ELAVL2: variants seen among roughly 807,000 people sequenced by gnomAD.
The protein encoded by ELAVL2 is ELAV-like protein 2.
In ELAVL2, 4 loss-of-function variants were observed where a neutral mutation model predicts 34.6. That is an observed-to-expected ratio of 0.12 (90% confidence interval 0.06 to 0.26). The LOEUF (loss-of-function observed/expected upper bound fraction) is 0.26. Ranked by LOEUF, ELAVL2 falls within the 10% of genes least tolerant of loss-of-function variation. The pLI is 1.00. For synonymous variants in ELAVL2, 193 were observed against 154.8 expected (o/e 1.25, Z -1.83); for missense variants, 432 against 442.8 (o/e 0.98, Z 0.22).
chr9:23,787,203 T>G (rs1226583515), intron 1 of ELAVL2, among the ~76,000 whole-genome samples: 1 of 152,110 alleles, frequency 6.6e-6, no homozygotes, highest in African/African-American at 2.4e-5. Context: ...TAAGCCGTTT[T>G]AAAGGGCATT....
intron 3 of ELAVL2, among the ~76,000 whole-genome samples, chr9:23,707,548 A>C (rs2133470081): frequency 6.6e-6 from 1 of 152,298 alleles, no homozygotes; most frequent in Non-Finnish European, 1.5e-5. Context: ...TCAAGCAACC[A>C]GCAGCAGGTG....
At chr9:23,793,487 C>A (rs1019913427) in intron 1 of ELAVL2, among the ~76,000 whole-genome samples, 15 of 152,058 alleles carry the variant, frequency 9.9e-5, no homozygotes, top group African/African-American at 3.6e-4. Context: ...TCTCTCAAAC[C>A]CTCAACTTTT....
At chr9:23,702,537 T>C (rs1193124217) in intron 4 of ELAVL2, among the ~76,000 whole-genome samples, 1 of 152,000 alleles carries the variant, frequency 6.6e-6, no homozygotes. Context: ...CAGGGAAATT[T>C]TTTTTGGCAA....
chr9:23,723,895 G>A (rs1236034611), intron 3 of ELAVL2, among the ~76,000 whole-genome samples: 2 of 151,976 alleles, frequency 1.3e-5, no homozygotes, highest in Admixed American at 1.3e-4. Flanking sequence ...CACACACACA[G>A]ACAGCAACAA....
chr9:23,723,421 T>A (rs1054678252), intron 3 of ELAVL2, among the ~76,000 whole-genome samples: 2 of 150,732 alleles, frequency 1.3e-5, no homozygotes, highest in Non-Finnish European at 3.0e-5. Flanking sequence ...GGGACTGTTG[T>A]GGGGACGGGG....
At position 23,731,106 on chromosome 9, in the gene ELAVL2, G is replaced by A. The variant is rs1428379618; in HGVS notation, c.249C>T (p.Gly83=). 6.2e-7 allele frequency: 1 copy of A among 1,612,758 alleles called. No homozygotes were observed. Among genetic ancestry groups the A allele is most frequent in the South Asian group, 1.1e-5 (1 of 90,886 alleles). The change falls in exon 3 of 7, where the codon GGC becomes GGT. Residue 83 remains glycine, a synonymous_variant. Coordinates refer to ENST00000397312, the MANE Select transcript of ELAVL2 (RefSeq NM_004432.5). Reference sequence around the variant, plus strand: ...CCTTGGGGTCAATGTAGTTCACAAAGCCATATCCCAAGCTCTGCCCTAATG... The same window carrying A: ...CCTTGGGGTCAATGTAGTTCACAAAACCATATCCCAAGCTCTGCCCTAATG... ...DKITGQSLGY[G]FVNYIDPKDA... is the part of the protein sequence containing the mutation.
upstream of ELAVL2, among the ~76,000 whole-genome samples, chr9:23,830,693 T>C (rs1000721878): frequency 6.6e-6 from 1 of 151,540 alleles, no homozygotes; most frequent in African/African-American, 2.4e-5. Flanking sequence ...CCTGCAGATA[T>C]TCAGACTAAG....
At chr9:23,732,023 G>T (rs117024999) in intron 2 of ELAVL2, among the ~76,000 whole-genome samples, 38 of 152,244 alleles carry the variant, frequency 2.5e-4, no homozygotes, top group African/African-American at 8.9e-4. Flanking sequence ...TTTCAATGAA[G>T]CAAGTTTCTC....
intron 2 of ELAVL2, among the ~76,000 whole-genome samples, chr9:23,748,846 A>G (rs1158871844): frequency 1.3e-5 from 2 of 152,164 alleles, no homozygotes; most frequent in African/African-American, 4.8e-5. Context: ...TCTCCTGAAA[A>G]CAATTATCAT....
intron 2 of ELAVL2, among the ~76,000 whole-genome samples, chr9:23,754,105 G>A (rs1280098629): frequency 6.6e-6 from 1 of 152,044 alleles, no homozygotes; most frequent in Non-Finnish European, 1.5e-5. Context: ...ACAGCTGTTG[G>A]AAAACTGTAT....
chr9:23,824,811 G>A (rs1199079248), intron 1 of ELAVL2, among the ~76,000 whole-genome samples: 1 of 152,150 alleles, frequency 6.6e-6, no homozygotes, highest in Non-Finnish European at 1.5e-5. Context: ...TCTTTCTCCT[G>A]GCGTCAATTT....
intron 1 of ELAVL2, among the ~76,000 whole-genome samples, chr9:23,780,847 G>A (rs1216200247): frequency 6.6e-6 from 1 of 152,180 alleles, no homozygotes; most frequent in Non-Finnish European, 1.5e-5. Flanking sequence ...TAGCATTCAG[G>A]AAATTTGGAG....
At chr9:23,696,870 T>C (rs906734920) in intron 5 of ELAVL2, among the ~76,000 whole-genome samples, 8 of 152,188 alleles carry the variant, frequency 5.3e-5, no homozygotes, top group African/African-American at 1.9e-4. Context: ...GATGATAACG[T>C]AGTACATATG....
intron 3 of ELAVL2, among the ~76,000 whole-genome samples, chr9:23,713,816 G>T (rs2041640632): frequency 3.3e-5 from 5 of 152,150 alleles, no homozygotes; most frequent in Admixed American, 2.0e-4. Flanking sequence ...GAAACTAGAG[G>T]TTAGGATGGA....
chr9:23,733,172 T>TAAAAAAAAAAAAAAAAAAA (rs397953305), intron 2 of ELAVL2, among the ~76,000 whole-genome samples: 1 of 104,596 alleles, frequency 9.6e-6, no homozygotes, highest in Admixed American at 9.9e-5. Flanking sequence ...CTAGAAAGCT[T>TAAAAAAAAAAAAAAAAAAA]AAAAAAAAAA....
In ELAVL2 at chr9:23,770,761, C is replaced by T. The variant is rs1216659290; in HGVS notation, c.-15-8512G>A. ...ACCACTTTGGACTTCTGATGTTCTT[C>T]GGAATTTTAAGACAATAAATCTTGT... is the stretch of plus-strand genomic sequence containing the variant. On this transcript the variant is annotated intron_variant, in intron 1 of 6. Transcript: ENST00000397312. Among the ~76,000 whole-genome samples, 12 of 152,054 alleles carry T rather than the reference C, an allele frequency of 7.9e-5. No individual in the cohort carries two copies. In the South Asian group the frequency reaches 2.1e-3, roughly 26 times the overall value.
At chr9:23,790,431 A>C (rs1246191489) in intron 1 of ELAVL2, among the ~76,000 whole-genome samples, 1 of 152,178 alleles carries the variant, frequency 6.6e-6, no homozygotes, top group Non-Finnish European at 1.5e-5. Flanking sequence ...TAGATTTTCT[A>C]CTTAGGATTA....
Position 23,730,236 on chromosome 9 carries a change from G to A in ELAVL2, c.333+786C>T, listed in dbSNP as rs978197710. Among the ~76,000 whole-genome samples the A allele has an allele frequency of 3.9e-5, 6 of 152,206 alleles. No individual in the cohort carries two copies. In the East Asian group the frequency reaches 7.7e-4, roughly 20 times the overall value. On this transcript the variant is annotated intron_variant, in intron 3 of 6. Transcript: ENST00000397312. The stretch of plus-strand genomic sequence containing the variant: ...GAAATCTATGCTGTGAATTAGATTA[G>A]CTCCCTCTCAAGAGAGAATCTACAT...
chr9:23,763,058 G>A (rs919354921), intron 1 of ELAVL2, among the ~76,000 whole-genome samples: 3 of 152,000 alleles, frequency 2.0e-5, no homozygotes, highest in Non-Finnish European at 4.4e-5. Context: ...CCTTGACTCT[G>A]CTTTTTAATG....
Sources: allele counts gnomAD v4.1 joint callset (sites outside exome capture counted in the v4.1 genomes callset), GRCh38; gene constraint gnomAD v4.1.1; transcripts MANE v1.5; gene names NCBI Gene and HGNC (gene_info 2026-07-23, HGNC 2026-07-21).